The following XPNPEP1 variants were observed in gnomAD, a reference collection of about 807,000 sequenced individuals.
XPNPEP1 encodes xaa-Pro aminopeptidase 1.
In XPNPEP1, 39 loss-of-function variants were observed where a neutral mutation model predicts 92.4. The ratio of observed to expected loss-of-function variants is 0.42; its 90% CI spans 0.33 to 0.55. XPNPEP1 has a LOEUF of 0.55. Among genes scored for constraint, XPNPEP1 ranks in the 20% least tolerant of loss-of-function variants. The pLI is 0.08. For synonymous variants in XPNPEP1, 307 were observed against 299.4 expected (o/e 1.03, Z -0.26); for missense variants, 654 against 856.1 (o/e 0.76, Z 2.95).
At position 109,906,895 on chromosome 10, in the gene XPNPEP1, T is replaced by C. The variant is rs539046815; in HGVS notation, c.246+796A>G. Among the ~76,000 whole-genome samples, 5 of 152,288 alleles carry C rather than the reference T, an allele frequency of 3.3e-5. No homozygotes were observed. The South Asian group carries it at 1.0e-3, about 32-fold the overall frequency. ...CTGTGCCATGAAGCTCTTCATCATC[T>C]TCCCCTCTCACCCTCAAACTTCCAC... On this transcript the variant is annotated intron_variant, in intron 3 of 20. Coordinates refer to ENST00000502935, the MANE Select transcript of XPNPEP1 (RefSeq NM_020383.4).
chr10:109,906,855 A>T (rs1470659894), intron 3 of XPNPEP1, among the ~76,000 whole-genome samples: 1 of 151,986 alleles, frequency 6.6e-6, no homozygotes, highest in Non-Finnish European at 1.5e-5. Flanking sequence ...TCAAGGTCCA[A>T]TTCAACTGTC....
chr10:109,873,642 G>A, intron 15 of XPNPEP1: 3 of 544,424 alleles, frequency 5.5e-6, no homozygotes, highest in South Asian at 5.2e-5. Flanking sequence ...ATATCCAAGA[G>A]AACTGAAAAC....
At chr10:109,872,783 G>A (rs545648801) in intron 16 of XPNPEP1, among the ~76,000 whole-genome samples, 1 of 152,294 alleles carries the variant, frequency 6.6e-6, no homozygotes, top group South Asian at 2.1e-4. Context: ...GGGAAGGTGG[G>A]TCCTTTTATC....
Position 109,864,887 on chromosome 10 carries a change from A to G in XPNPEP1, c.*297T>C. The G allele has an allele frequency of 2.6e-6, 1 of 389,978 alleles. No homozygotes were observed. The highest frequency in any genetic ancestry group is 2.5e-5 in the South Asian group (1 of 39,952). The allele number at this position is 389,978 out of a possible 1,614,324, so 24.2% of individuals were successfully genotyped here. A position where few individuals can be genotyped will look rare whatever the true frequency, so the allele number is the denominator to read the frequency against. On this transcript the variant is annotated 3_prime_UTR_variant, in exon 21 of 21. Coordinates refer to ENST00000502935, the MANE Select transcript of XPNPEP1 (RefSeq NM_020383.4). ...ATGGAGCACTCACTGATTCCCCATC[A>G]CTGGCCAAAGAAGTCGGGGCATCTT...
rs970247858 is a variant in XPNPEP1, at chr10:109,891,746, T to C, written c.391A>G (p.Ser131Gly). Residue 131 changes from serine to glycine, a missense_variant, in exon 5 of 21, where the codon AGC becomes GGC. Ser to Gly is a moderately conservative substitution (Grantham distance 56). Coordinates refer to ENST00000502935, the MANE Select transcript of XPNPEP1 (RefSeq NM_020383.4). The stretch of plus-strand genomic sequence containing the variant: ...CCCATCTTCATAAGTGTCCAGTTGC[T>C]GTCCATTTGCTTGGCAGCCTGGAGA... ...YFLQAAKQMD[S>G]NWTLMKMGLK... 1.9e-6 allele frequency: 3 copies of C among 1,590,528 alleles called. No individual in the cohort carries two copies. Among genetic ancestry groups the C allele is most frequent in the Non-Finnish European group, 1.7e-6 (2 of 1,172,560 alleles).
At chr10:109,911,920 TATCA>T (rs2133549818) in intron 2 of XPNPEP1, among the ~76,000 whole-genome samples, 2 of 152,340 alleles carry the variant, frequency 1.3e-5, no homozygotes, top group Admixed American at 1.3e-4. Context: ...GTATCAATAT[TATCA>T]GTCACTAACT....
rs375944731 is a variant in XPNPEP1, at chr10:109,870,944, C to A, written c.1523-40G>T. On this transcript the variant is annotated intron_variant, in intron 17 of 20. Coordinates refer to ENST00000502935, the MANE Select transcript of XPNPEP1 (RefSeq NM_020383.4). ...GAGCCACTTAATTGTATTTGTACAG[C>A]GCTTTAGAGATTAAATTTATTATGT... The A allele has an allele frequency of 1.1e-5, 17 of 1,575,762 alleles. No individual in the cohort carries two copies. In the Admixed American group the frequency reaches 3.0e-4, roughly 28 times the overall value.
chr10:109,917,112 A>T (rs1361210101), intron 1 of XPNPEP1, among the ~76,000 whole-genome samples: 1 of 152,136 alleles, frequency 6.6e-6, no homozygotes, highest in Non-Finnish European at 1.5e-5. Flanking sequence ...TCTATTCAAC[A>T]TTGTACCAGA....
chr10:109,888,914 A>C (rs1848553960), intron 5 of XPNPEP1, among the ~76,000 whole-genome samples: 1 of 152,212 alleles, frequency 6.6e-6, no homozygotes, highest in African/African-American at 2.4e-5. Context: ...CACCACAAAG[A>C]TTGTCTCCTC....
chr10:109,873,317 C>A (rs781057221), intron 16 of XPNPEP1, 50 bp downstream of exon 16: 2 of 1,606,004 alleles, frequency 1.2e-6, no homozygotes, highest in Non-Finnish European at 1.7e-6. Context: ...AAGCAATGCT[C>A]TTCTTAAGAA....
chr10:109,893,555 A>T (rs1414839787), intron 3 of XPNPEP1: 1 of 156,902 alleles, frequency 6.4e-6, no homozygotes, highest in Non-Finnish European at 1.4e-5. Context: ...TAGCATCACC[A>T]ATCTCTCCCA....
chr10:109,881,417 GAAGGGCTGGAGAAGACCCTTTCC>G (rs756417515), intron 10 of XPNPEP1, among the ~76,000 whole-genome samples: 62 of 152,180 alleles, frequency 4.1e-4, no homozygotes, highest in Non-Finnish European at 7.4e-4. Flanking sequence ...ATCTGATCTT[GAAGGGCTGGAGAAGACCCTTTCC>G]AATTTGAGAA....
intron 3 of XPNPEP1, among the ~76,000 whole-genome samples, chr10:109,904,946 A>G (rs550699560): frequency 6.6e-6 from 1 of 152,338 alleles, no homozygotes; most frequent in East Asian, 1.9e-4. Flanking sequence ...GATCTCAAAA[A>G]GATACTTGCA....
At position 109,887,061 on chromosome 10, in the gene XPNPEP1, C is replaced by T. The variant is rs1294875021; in HGVS notation, c.653-720G>A. Among the ~76,000 whole-genome samples, 3 of 152,306 alleles carry T rather than the reference C, an allele frequency of 2.0e-5. No individual in the cohort carries two copies. The East Asian group carries it at 5.8e-4, about 29-fold the overall frequency. ...GCAGCATTCATAACTCAGGGAACAG[C>T]CACCTGTGAGCAGGGTGGGCATCTG... On this transcript the variant is annotated intron_variant, in intron 7 of 20. Coordinates refer to ENST00000502935, the MANE Select transcript of XPNPEP1 (RefSeq NM_020383.4).
chr10:109,909,885 C>G (rs1210418851), intron 2 of XPNPEP1, among the ~76,000 whole-genome samples: 1 of 152,130 alleles, frequency 6.6e-6, no homozygotes, highest in East Asian at 1.9e-4. Context: ...CACACAGCCC[C>G]CTGCCACTAT....
At chr10:109,907,997 TTCTTA>T (rs1849652570) in intron 2 of XPNPEP1, among the ~76,000 whole-genome samples, 182 bp from the exon 3 acceptor site, 1 of 152,208 alleles carries the variant, frequency 6.6e-6, no homozygotes, top group Admixed American at 6.5e-5. Flanking sequence ...ATGTTCACAG[TTCTTA>T]AATACTACCT....
In XPNPEP1 at chr10:109,891,920, G is replaced by C. The variant is rs1230645858; in HGVS notation, c.311-94C>G. ...GACAGTAGACAGGCAAGAGCAGTAAGAGGCATCAGCTCCTAGTGGGGCAGA... is the reference window on the plus strand; with the variant it reads ...GACAGTAGACAGGCAAGAGCAGTAACAGGCATCAGCTCCTAGTGGGGCAGA... On this transcript the variant is annotated intron_variant, in intron 4 of 20. Coordinates refer to ENST00000502935, the MANE Select transcript of XPNPEP1 (RefSeq NM_020383.4). The C allele has an allele frequency of 6.4e-6, 8 of 1,253,690 alleles. No homozygotes were observed. The African/African-American group carries it at 7.5e-5, about 12-fold the overall frequency. The allele number at this position is 1,253,690 out of a possible 1,614,324, so 77.7% of individuals were successfully genotyped here.
chr10:109,881,890 AT>A (rs3837307), intron 10 of XPNPEP1, among the ~76,000 whole-genome samples: 31,659 of 151,978 alleles, frequency 0.21, 3,803 homozygotes, highest in South Asian at 0.52. Flanking sequence ...AAATCCCCAA[AT>A]CCCCAACTCC....
intron 2 of XPNPEP1, 69 bp from the exon 3 acceptor site, chr10:109,907,884 G>C: frequency 1.3e-6 from 2 of 1,591,632 alleles, no homozygotes; most frequent in Non-Finnish European, 1.7e-6. Flanking sequence ...GTTCGAAGTG[G>C]GCCACAGAGA....
Sources: allele counts gnomAD v4.1 joint callset (sites outside exome capture counted in the v4.1 genomes callset), GRCh38; gene constraint gnomAD v4.1.1; transcripts MANE v1.5; gene names NCBI Gene and HGNC (gene_info 2026-07-23, HGNC 2026-07-21).